Variants in ABCA1 observed in about 807,000 individuals in gnomAD.
The protein encoded by ABCA1 is ATP binding cassette subfamily A member 1, also known as phospholipid-transporting ATPase ABCA1.
ABCA1 carries 133 observed loss-of-function variants against 262.5 expected under a neutral mutation model. The observed-to-expected ratio is 0.51, with a 90% CI of 0.44 to 0.59. ABCA1 has a LOEUF of 0.59. ABCA1 is among the 20% of genes least tolerant of loss of function. The pLI is 0.00. For synonymous variants in ABCA1, 1,022 were observed against 1,043.5 expected (o/e 0.98, Z 0.40); for missense variants, 2,452 against 2,777.5 (o/e 0.88, Z 2.63).
rs1458513532 is a variant in ABCA1, at chr9:104,871,752, A to T, written c.422-9952T>A. 2.0e-5 allele frequency among the ~76,000 whole-genome samples: 3 copies of T among 152,180 alleles called. No individual in the cohort carries two copies. In the East Asian group the frequency reaches 5.8e-4, roughly 29 times the overall value. ...GAAAAGAAGGTAAGAGATAGGAAGT[A>T]TGAAGAAACAGAGTCCAGAAACAGG... On this transcript the variant is annotated intron_variant, in intron 5 of 49. Transcript: ENST00000374736.
At chr9:104,846,163 G>A (rs1297535653) in intron 7 of ABCA1, among the ~76,000 whole-genome samples, 1 of 152,046 alleles carries the variant, frequency 6.6e-6, no homozygotes, top group East Asian at 1.9e-4. Flanking sequence ...GCAGATATAG[G>A]ACAATAATTC....
rs1826498232 is a variant in ABCA1 at position 104,928,143 on chromosome 9, C to G, written c.-301G>C. ...TGCGGGTCCCGGCCCCACTCACTCT[C>G]GCTCGCAATTACGGGGTTTTTGCCG... On this transcript the variant is annotated 5_prime_UTR_variant, in exon 1 of 50. Transcript: ENST00000374736. The G allele has an allele frequency of 6.6e-6, 1 of 152,322 alleles. No individual in the cohort carries two copies. The highest frequency in any genetic ancestry group is 1.5e-5 in the Non-Finnish European group (1 of 68,132). The allele number at this position is 152,322 out of a possible 1,614,324, so 9.4% of individuals were successfully genotyped here.
At chr9:104,881,474 C>CA (rs200260433) in intron 5 of ABCA1, among the ~76,000 whole-genome samples, 12 of 151,862 alleles carry the variant, frequency 7.9e-5, no homozygotes, top group African/African-American at 2.2e-4. Context: ...GTCACCACTC[C>CA]AAAAAAAATC....
At chr9:104,910,606 G>A (rs899445574) in intron 1 of ABCA1, among the ~76,000 whole-genome samples, 35 of 152,286 alleles carry the variant, frequency 2.3e-4, no homozygotes, top group East Asian at 1.3e-3. Context: ...GTGTGTATGT[G>A]CGTGTATTCC....
intron 8 of ABCA1, 112 bp from the exon 9 acceptor site, chr9:104,840,631 G>T: frequency 8.9e-7 from 1 of 1,119,762 alleles, no homozygotes; most frequent in Non-Finnish European, 1.3e-6. Context: ...CCTCTCAAAA[G>T]CCATGTCCCA....
At chr9:104,856,189 T>C in intron 7 of ABCA1, 4 of 1,433,244 alleles carry the variant, frequency 2.8e-6, no homozygotes, top group Non-Finnish European at 3.7e-6. Context: ...AGGCCCTGCT[T>C]AATTCAATAA....
At chr9:104,903,027 C>T (rs1840793842) in intron 2 of ABCA1, among the ~76,000 whole-genome samples, 1 of 152,198 alleles carries the variant, frequency 6.6e-6, no homozygotes, top group African/African-American at 2.4e-5. Flanking sequence ...CCTCACATCC[C>T]TCTGTGGAAG....
intron 7 of ABCA1, chr9:104,855,110 C>T: frequency 1.0e-6 from 1 of 975,684 alleles, no homozygotes. Context: ...AATATCTGAG[C>T]AAGAATGCAG....
intron 4 of ABCA1, 141 bp from the exon 5 acceptor site, chr9:104,883,298 T>G (rs2119173202): frequency 1.3e-6 from 1 of 741,466 alleles, no homozygotes; most frequent in South Asian, 1.4e-5. Context: ...CTCCCATGGC[T>G]CCCCACACCC....
chr9:104,863,867 G>C (rs1256709803), intron 5 of ABCA1, among the ~76,000 whole-genome samples: 1 of 152,232 alleles, frequency 6.6e-6, no homozygotes, highest in East Asian at 1.9e-4. Flanking sequence ...TACTGCAGTT[G>C]TCAAACCTCA....
intron 1 of ABCA1, among the ~76,000 whole-genome samples, chr9:104,923,469 G>T (rs1472954762): frequency 6.6e-6 from 1 of 152,190 alleles, no homozygotes; most frequent in Non-Finnish European, 1.5e-5. Flanking sequence ...AAGTTAAAGA[G>T]AATTTGGCTG....
In ABCA1 at chr9:104,812,600, G is replaced by A. The variant is rs760786920; in HGVS notation, c.4024C>T (p.Arg1342Trp). Reference protein sequence around the residue: ...LLWKRLLIARRSRKGFFAQIV... With the variant: ...LLWKRLLIARWSRKGFFAQIV... ...TGAGCAAAAAATCCTTTCCGACTCC[G>A]TCTGGCAATTAGCAGTCTCTTCCAC... is the stretch of plus-strand genomic sequence containing the variant. The change falls in exon 28 of 50, where the codon CGG becomes TGG. Residue 1342 changes from arginine to tryptophan, a missense_variant. This residue lies in a region of ABCA1 where 665 missense variants were observed against 727.3 expected (regional missense o/e 0.91). Coordinates refer to ENST00000374736, the MANE Select transcript of ABCA1 (RefSeq NM_005502.4). 21 of 1,614,116 alleles carry A rather than the reference G, an allele frequency of 1.3e-5. No homozygotes were observed. Among genetic ancestry groups the A allele is most frequent in the Admixed American group, 1.7e-5 (1 of 60,000 alleles).
At chr9:104,862,772 G>A (rs1170943895) in intron 5 of ABCA1, among the ~76,000 whole-genome samples, 4 of 91,846 alleles carry the variant, frequency 4.4e-5, no homozygotes, top group South Asian at 3.8e-4. Flanking sequence ...CTGATACAGC[G>A]GCCCTGGGAT....
chr9:104,862,669 C>CAGGGCA lies in ABCA1; in HGVS notation c.422-870_422-869insTGCCCT, dbSNP rs1836651225. On this transcript the variant is annotated intron_variant, in intron 5 of 49. Coordinates refer to ENST00000374736, the MANE Select transcript of ABCA1 (RefSeq NM_005502.4). ...CGGGCCGGGCCGGGCCGGGCCGGGC[C>CAGGGCA]GGGCCGGGCCGGGCCGGGCCGGGCC... 1.6e-3 allele frequency among the ~76,000 whole-genome samples: 16 copies of CAGGGCA among 9,812 alleles called. 3 individuals are homozygous for CAGGGCA. Among genetic ancestry groups the CAGGGCA allele is most frequent in the African/African-American group, 6.2e-3 (16 of 2,562 alleles). 6.4% of individuals were successfully genotyped at this position (9,812 alleles called of 152,430 possible). A position where few individuals can be genotyped will look rare whatever the true frequency, so the allele number is the denominator to read the frequency against.
At chr9:104,899,512 GCTAAAACCATGT>G (rs770797871) in intron 2 of ABCA1, among the ~76,000 whole-genome samples, 19 of 152,024 alleles carry the variant, frequency 1.2e-4, no homozygotes, top group Non-Finnish European at 2.2e-4. Flanking sequence ...TGGCCAACAT[GCTAAAACCATGT>G]CTCTACTAAA....
intron 35 of ABCA1, 119 bp downstream of exon 35, chr9:104,800,391 T>C (rs1162919291): frequency 6.4e-6 from 6 of 938,746 alleles, no homozygotes; most frequent in Non-Finnish European, 8.6e-6. Flanking sequence ...GTAAAGTTAA[T>C]AGTTTGCTCT....
At chr9:104,833,317 GACTACAGGTGCAC>G (rs1318408400) in intron 11 of ABCA1, among the ~76,000 whole-genome samples, 2 of 152,084 alleles carry the variant, frequency 1.3e-5, no homozygotes, top group Non-Finnish European at 2.9e-5. Context: ...AAGTAGCTAA[GACTACAGGTGCAC>G]ACCACCACAC....
intron 1 of ABCA1, among the ~76,000 whole-genome samples, chr9:104,922,693 A>AT (rs1842204899): frequency 6.6e-6 from 1 of 152,176 alleles, no homozygotes; most frequent in Admixed American, 6.5e-5. Context: ...GCACTTTCTC[A>AT]TCCTATTTCA....
At chr9:104,848,417 C>G (rs924045497) in intron 7 of ABCA1, among the ~76,000 whole-genome samples, 1 of 151,992 alleles carries the variant, frequency 6.6e-6, no homozygotes, top group African/African-American at 2.4e-5. Flanking sequence ...GAGTTCAAGA[C>G]GAGCCTGGCC....
Sources: gnomAD v4.1 joint callset for allele counts (sites outside exome capture counted in the v4.1 genomes callset) on GRCh38, gnomAD v4.1.1 for gene constraint, gnomAD v4.1.1 regional missense constraint, MANE v1.5 for transcripts, NCBI Gene and HGNC (gene_info 2026-07-23, HGNC 2026-07-21) for gene names.